The following EPB41L3 variants were observed in gnomAD, a reference collection of about 807,000 sequenced individuals.
EPB41L3 encodes erythrocyte membrane protein band 4.1 like 3.
Under a neutral mutation model 127.1 loss-of-function variants are expected in EPB41L3, and 57 were observed. The observed-to-expected ratio is 0.45, with a 90% CI of 0.36 to 0.56. EPB41L3 has a LOEUF of 0.56. EPB41L3 is among the 20% of genes least tolerant of loss of function. The pLI, the probability that EPB41L3 is intolerant of heterozygous loss-of-function variation, is 0.00. For synonymous variants in EPB41L3, 572 were observed against 549.5 expected, an observed-to-expected ratio of 1.04 and a Z score of -0.57; for missense variants, 1,273 against 1,372.2, an observed-to-expected ratio of 0.93 and a Z score of 1.14.
intron 1 of EPB41L3, among the ~76,000 whole-genome samples, chr18:5,507,465 CA>C (rs78821314): frequency 0.19 from 29,397 of 152,056 alleles, 2,879 homozygotes; most frequent in African/African-American, 0.22. Flanking sequence ...CAATCTCCTA[CA>C]AAAGTGATGA....
intron 3 of EPB41L3, among the ~76,000 whole-genome samples, chr18:5,583,527 G>A (rs575158813): frequency 6.6e-6 from 1 of 152,290 alleles, no homozygotes; most frequent in South Asian, 2.1e-4. Flanking sequence ...TCAACTGACT[G>A]CAAGGGGAAA....
intron 3 of EPB41L3, among the ~76,000 whole-genome samples, chr18:5,586,413 T>C (rs2094442399): frequency 6.6e-6 from 1 of 151,790 alleles, no homozygotes; most frequent in South Asian, 2.1e-4. Context: ...GTTTTTTTTT[T>C]TTTTGAAATA....
intron 1 of EPB41L3, among the ~76,000 whole-genome samples, chr18:5,529,954 G>GTGTGTGTGTT: frequency 6.6e-6 from 1 of 151,938 alleles, no homozygotes; most frequent in South Asian, 2.1e-4. Context: ...GTGTGTGTGT[G>GTGTGTGTGTT]TGTGTGTATC....
chr18:5,530,584 G>A (rs1047277251), intron 1 of EPB41L3, among the ~76,000 whole-genome samples: 11 of 152,010 alleles, frequency 7.2e-5, no homozygotes, highest in Admixed American at 7.2e-4. Context: ...TTACTCGTCA[G>A]CCACACGAAT....
At chr18:5,498,468 C>T (rs2091396046) in intron 1 of EPB41L3, among the ~76,000 whole-genome samples, 1 of 151,774 alleles carries the variant, frequency 6.6e-6, no homozygotes, top group South Asian at 2.1e-4. Flanking sequence ...GTCACGGGCA[C>T]CTGTAATCCC....
At chr18:5,621,593 T>A (rs2094863274) in intron 1 of EPB41L3, among the ~76,000 whole-genome samples, 1 of 151,766 alleles carries the variant, frequency 6.6e-6, no homozygotes, top group Non-Finnish European at 1.5e-5. Context: ...AGAAAAAAAA[T>A]AGCGAGATAT....
upstream of EPB41L3, among the ~76,000 whole-genome samples, chr18:5,546,496 C>G (rs139708523): frequency 1.6e-3 from 240 of 152,278 alleles, 1 homozygote; most frequent in African/African-American, 4.9e-3. Flanking sequence ...CACCACTGCA[C>G]TCTAGCCTGG....
chr18:5,393,910 A>T (rs2072841066), intron 22 of EPB41L3: 1 of 168,012 alleles, frequency 6.0e-6, no homozygotes, highest in African/African-American at 2.4e-5. Flanking sequence ...AGAAACGCTC[A>T]TGGCCCCATG....
At chr18:5,621,967 A>G (rs1267258599) in intron 1 of EPB41L3, among the ~76,000 whole-genome samples, 1 of 152,194 alleles carries the variant, frequency 6.6e-6, no homozygotes, top group Non-Finnish European at 1.5e-5. Flanking sequence ...GTAGATCAAC[A>G]AAATATTAAT....
chr18:5,394,793 C>A lies in EPB41L3; in HGVS notation c.3154G>T (p.Ala1052Ser). Residue 1052 changes from alanine to serine, a missense_variant and splice_region_variant, in exon 22 of 23, where the codon GCG becomes TCG. Around this residue, in one of 3 missense-constraint regions of EPB41L3, gnomAD observed 765 missense variants for 782.9 expected, o/e 0.98. Transcript: ENST00000341928. ...GCCTCTTTAATTGCCTGAGCCAGCG[C>A]CTATCCCCGGGAAATCACAGAAGGG... Reference protein sequence around the residue: ...TGDADIDHDQALAQAIKEAKE... With the variant: ...TGDADIDHDQSLAQAIKEAKE... 1 of 1,614,002 alleles carries A rather than the reference C, an allele frequency of 6.2e-7. No homozygotes were observed. Among genetic ancestry groups the A allele is most frequent in the Non-Finnish European group, 8.5e-7 (1 of 1,179,950 alleles).
Position 5,396,299 on chromosome 18 carries a change from C to T in EPB41L3, c.2875G>A (p.Gly959Ser), listed in dbSNP as rs1351893710. The change falls in exon 19 of 23, where the codon GGC (glycine) becomes AGC (serine). Residue 959 changes from glycine to serine, a missense_variant. Physicochemically the swap from Gly to Ser is moderately conservative, Grantham distance 56 (BLOSUM62 0). Coordinates refer to ENST00000341928, the MANE Select transcript of EPB41L3 (RefSeq NM_012307.5). ...STVKTETISF[G>S]SVSPGGVKLE... is the part of the protein sequence containing the mutation. Reference sequence around the variant, plus strand: ...TTTACTCCTCCCGGTGAAACACTGCCAAAACTGATGGTTTCCGTCTTCACC... The same window carrying T: ...TTTACTCCTCCCGGTGAAACACTGCTAAAACTGATGGTTTCCGTCTTCACC... 2 of 1,614,056 alleles carry T rather than the reference C, an allele frequency of 1.2e-6. No homozygotes were observed. Among genetic ancestry groups the T allele is most frequent in the Admixed American group, 1.7e-5 (1 of 60,000 alleles).
intron 3 of EPB41L3, among the ~76,000 whole-genome samples, chr18:5,456,864 G>A (rs185814575): frequency 2.0e-5 from 3 of 152,322 alleles, no homozygotes; most frequent in African/African-American, 7.2e-5. Context: ...TAAGAAGATG[G>A]GAGGCCTGGT....
intron 5 of EPB41L3, among the ~76,000 whole-genome samples, chr18:5,441,739 C>T (rs182633134): frequency 6.6e-6 from 1 of 152,216 alleles, no homozygotes; most frequent in African/African-American, 2.4e-5. Flanking sequence ...GCTGGGATTA[C>T]AGGCGTGAGC....
intron 2 of EPB41L3, among the ~76,000 whole-genome samples, chr18:5,484,084 C>A (rs2089152534): frequency 1.7e-4 from 1 of 5,716 alleles, no homozygotes; most frequent in Non-Finnish European, 5.6e-4. Context: ...TCCAAACAAA[C>A]TCAAAAAAAA....
chr18:5,453,269 C>G (rs1203073595), intron 3 of EPB41L3, among the ~76,000 whole-genome samples: 1 of 152,176 alleles, frequency 6.6e-6, no homozygotes, highest in African/African-American at 2.4e-5. Flanking sequence ...CAAAAACTGT[C>G]TTTTAGCCTT....
intron 3 of EPB41L3, among the ~76,000 whole-genome samples, chr18:5,600,796 C>A (rs1176134453): frequency 1.3e-5 from 2 of 152,126 alleles, no homozygotes; most frequent in Non-Finnish European, 2.9e-5. Flanking sequence ...GAAGTAGTTA[C>A]CAAGCTGCCG....
chr18:5,570,021 G>A (rs2149249777), intron 3 of EPB41L3, among the ~76,000 whole-genome samples: 1 of 152,246 alleles, frequency 6.6e-6, no homozygotes, highest in East Asian at 1.9e-4. Context: ...CTTACAAGGA[G>A]ATATTACACA....
chr18:5,458,013 G>A (rs191878866), intron 3 of EPB41L3, among the ~76,000 whole-genome samples: 55 of 152,140 alleles, frequency 3.6e-4, no homozygotes, highest in Non-Finnish European at 2.4e-4. Context: ...TTACAGTGCC[G>A]GGCATCGAGC....
chr18:5,470,892 A>C (rs1462985845), intron 3 of EPB41L3, among the ~76,000 whole-genome samples: 1 of 152,220 alleles, frequency 6.6e-6, no homozygotes, highest in Non-Finnish European at 1.5e-5. Flanking sequence ...TAGCCACCCA[A>C]GGAGTTGGCT....
Sources: allele counts gnomAD v4.1 joint callset (sites outside exome capture counted in the v4.1 genomes callset), GRCh38; gene constraint gnomAD v4.1.1; regional missense constraint gnomAD v4.1.1; transcripts MANE v1.5; gene names NCBI Gene and HGNC (gene_info 2026-07-23, HGNC 2026-07-21).